The following SCARA3 variants were observed in gnomAD, a reference collection of about 807,000 sequenced individuals.
SCARA3 encodes the protein scavenger receptor class A member 3.
Under a neutral mutation model 47.0 loss-of-function variants are expected in SCARA3, and 39 were observed. The observed-to-expected ratio is 0.83, with a 90% CI of 0.64 to 1.08. SCARA3 has a LOEUF of 1.08. Among genes scored for constraint, SCARA3 ranks in the 50% least tolerant of loss-of-function variants. The pLI, the probability that SCARA3 is intolerant of heterozygous loss-of-function variation, is 0.00. For synonymous variants in SCARA3, 356 were observed against 334.1 expected (o/e 1.07, Z -0.71); for missense variants, 724 against 792.3 (o/e 0.91, Z 1.04).
At position 27,656,743 on chromosome 8, in the gene SCARA3, T is replaced by C. The variant is rs773719828; in HGVS notation, c.227-39T>C. On this transcript the variant is annotated intron_variant, in intron 3 of 5. Transcript: ENST00000301904. ...AGGAATGACTGCTGTTTCTCTGAGC[T>C]TAGACCCTGCCCCAGCTTCTCATCT... is the stretch of plus-strand genomic sequence containing the variant. The C allele has an allele frequency of 6.2e-6, 8 of 1,299,630 alleles. No homozygotes were observed. The South Asian group carries it at 7.1e-5, about 11-fold the overall frequency. The allele number at this position is 1,299,630 out of a possible 1,614,324, so 80.5% of individuals were successfully genotyped here. A position where few individuals can be genotyped will look rare whatever the true frequency, so the allele number is the denominator to read the frequency against.
intron 5 of SCARA3, among the ~76,000 whole-genome samples, chr8:27,668,526 G>C (rs1381158313): frequency 2.4e-4 from 30 of 124,322 alleles, no homozygotes; most frequent in Admixed American, 2.0e-3. Context: ...CGGCCTGGGC[G>C]ACAGAGCGAG....
At position 27,671,768 on chromosome 8, in the gene SCARA3, G is replaced by A. The variant is rs776430927; in HGVS notation, c.*417G>A. On this transcript the variant is annotated 3_prime_UTR_variant, in exon 6 of 6. Coordinates refer to ENST00000301904, the MANE Select transcript of SCARA3 (RefSeq NM_016240.3). The stretch of plus-strand genomic sequence containing the variant: ...TATATGCACAGGCACACACATGTAC[G>A]CACACACACATGCACTGCACACATA... The A allele has an allele frequency of 1.3e-4, 133 of 999,150 alleles. No homozygotes were observed. Among genetic ancestry groups the A allele is most frequent in the Admixed American group, 1.8e-4 (3 of 16,608 alleles). 61.9% of individuals were successfully genotyped at this position (999,150 alleles called of 1,614,324 possible).
chr8:27,659,586 C>T (rs1801847425), intron 5 of SCARA3, 47 bp downstream of exon 5: 4 of 1,486,146 alleles, frequency 2.7e-6, no homozygotes, highest in Non-Finnish European at 3.6e-6. Flanking sequence ...TCCACTGAGG[C>T]TTGGTGATCT....
At chr8:27,660,834 CTAGCTAGCTAGA>C (rs1435547332) in intron 5 of SCARA3, among the ~76,000 whole-genome samples, 1 of 46,362 alleles carries the variant, frequency 2.2e-5, no homozygotes, top group African/African-American at 4.2e-5. Flanking sequence ...TAGAAGATAG[CTAGCTAGCTAGA>C]TAGATAGATA....
At position 27,651,557 on chromosome 8, in the gene SCARA3, C is replaced by T; in HGVS notation, c.156C>T (p.His52=). ...GCTGCCAGAAGAACCTATCTTTGCA[C>T]ACATCGGTGCGGATTCTTTACCTCT... The part of the protein sequence containing the change: ...CSRCQKNLSL[H]TSVRILYLFL... The change falls in exon 3 of 6, where the codon CAC becomes CAT. Residue 52 remains histidine (H), a synonymous_variant. Transcript: ENST00000301904. 1 of 1,614,070 alleles carries T rather than the reference C, an allele frequency of 6.2e-7. No homozygotes were observed. Among genetic ancestry groups the T allele is most frequent in the East Asian group, 2.2e-5 (1 of 44,880 alleles).
At chr8:27,659,677 G>T (rs1801849616) in intron 5 of SCARA3, 138 bp downstream of exon 5, 2 of 705,160 alleles carry the variant, frequency 2.8e-6, no homozygotes, top group Non-Finnish European at 4.6e-6. Flanking sequence ...ACAGCAGTCG[G>T]CAGCTTTAAG....
chr8:27,724,459 C>T, the SCARA3 span, among the ~76,000 whole-genome samples: 1 of 152,042 alleles, frequency 6.6e-6, no homozygotes, highest in African/African-American at 2.4e-5. Context: ...GTCGGGAGTT[C>T]GAGATCAGCC....
the SCARA3 span, among the ~76,000 whole-genome samples, chr8:27,714,785 T>C: frequency 9.9e-5 from 15 of 152,242 alleles, no homozygotes; most frequent in South Asian, 2.1e-4. Context: ...AAAAATCCTC[T>C]TCAGGAGAAG....
the SCARA3 span, among the ~76,000 whole-genome samples, chr8:27,717,084 A>C: frequency 1.3e-5 from 2 of 152,244 alleles, no homozygotes; most frequent in South Asian, 2.1e-4. Context: ...GGAATCCCCA[A>C]GGACCTGCTC....
the SCARA3 span, among the ~76,000 whole-genome samples, chr8:27,705,165 G>A: frequency 1.3e-5 from 2 of 152,286 alleles, no homozygotes; most frequent in South Asian, 4.1e-4. Flanking sequence ...GCCAGAGGGA[G>A]AGAAAATGCA....
At chr8:27,670,816 C>G in intron 5 of SCARA3, 84 bp from the exon 6 acceptor site, 1 of 1,164,758 alleles carries the variant, frequency 8.6e-7, no homozygotes, top group Non-Finnish European at 1.2e-6. Flanking sequence ...CTCGGGCTGT[C>G]GCCGTGCCCG....
Position 27,671,637 on chromosome 8 carries a change from T to C in SCARA3, c.*286T>C, listed in dbSNP as rs998566313. The C allele has an allele frequency of 1.7e-6, 2 of 1,145,566 alleles. No individual in the cohort carries two copies. Among genetic ancestry groups the C allele is most frequent in the Admixed American group, 4.5e-5 (1 of 22,098 alleles). 71.0% of individuals were successfully genotyped at this position (1,145,566 alleles called of 1,614,324 possible). A position where few individuals can be genotyped will look rare whatever the true frequency, so the allele number is the denominator to read the frequency against. The stretch of plus-strand genomic sequence containing the variant: ...GCATGCACACATACACAGGCATACA[T>C]GCATGCACACACACATGCACGCACA... On this transcript the variant is annotated 3_prime_UTR_variant, in exon 6 of 6. Transcript: ENST00000301904.
intron 5 of SCARA3, among the ~76,000 whole-genome samples, chr8:27,660,078 A>G (rs1026529911): frequency 6.6e-6 from 1 of 151,732 alleles, no homozygotes; most frequent in Non-Finnish European, 1.5e-5. Context: ...CCACCCCCTC[A>G]TTAATGCTCC....
chr8:27,705,451 C>G, the SCARA3 span, among the ~76,000 whole-genome samples: 1 of 152,248 alleles, frequency 6.6e-6, no homozygotes, highest in African/African-American at 2.4e-5. Context: ...ACTAGCAAAG[C>G]AAATGCAGCT....
the SCARA3 span, among the ~76,000 whole-genome samples, chr8:27,697,820 C>T: frequency 3.3e-5 from 5 of 152,168 alleles, no homozygotes; most frequent in African/African-American, 7.2e-5. Context: ...CCATGTAAGA[C>T]GTGCCTTTGC....
the SCARA3 span, among the ~76,000 whole-genome samples, chr8:27,689,793 G>C: frequency 2.1e-3 from 314 of 152,154 alleles, 4 homozygotes; most frequent in African/African-American, 7.3e-3. Context: ...AGACCAGTGT[G>C]GGCCAGAAAG....
At chr8:27,711,770 T>C in the SCARA3 span, among the ~76,000 whole-genome samples, 1 of 152,144 alleles carries the variant, frequency 6.6e-6, no homozygotes, top group African/African-American at 2.4e-5. Context: ...TTAGAGCAGT[T>C]TTAAATTCAC....
At chr8:27,730,240 C>T in the SCARA3 span, among the ~76,000 whole-genome samples, 61 of 152,194 alleles carry the variant, frequency 4.0e-4, no homozygotes, top group African/African-American at 1.4e-3. Context: ...AATAGAGGCC[C>T]GCTCAAGGGT....
In SCARA3 at chr8:27,663,337, T is replaced by C. The variant is rs534328275; in HGVS notation, c.1369+3798T>C. ...CTGAATCTTCTCTTCCTCCATCAAC[T>C]GATCATTTAGAACTCCCCATGAGGC... On this transcript the variant is annotated intron_variant, in intron 5 of 5. Coordinates refer to ENST00000301904, the MANE Select transcript of SCARA3 (RefSeq NM_016240.3). Among the ~76,000 whole-genome samples the C allele has an allele frequency of 2.0e-5, 3 of 152,296 alleles. No individual in the cohort carries two copies. The South Asian group carries it at 6.2e-4, about 32-fold the overall frequency.
Sources: allele counts gnomAD v4.1 joint callset (sites outside exome capture counted in the v4.1 genomes callset), GRCh38; gene constraint gnomAD v4.1.1; transcripts MANE v1.5; gene names NCBI Gene and HGNC (gene_info 2026-07-23, HGNC 2026-07-21).